CEP83: variants seen among roughly 807,000 people sequenced by gnomAD.
CEP83 encodes the protein centrosomal protein of 83 kDa.
In CEP83, 70 loss-of-function variants were observed where a neutral mutation model predicts 101.9. The observed-to-expected ratio is 0.69, with a 90% CI of 0.57 to 0.84. The LOEUF (loss-of-function observed/expected upper bound fraction) is 0.84, where lower values mean the gene tolerates loss of function less well. Among genes scored for constraint, CEP83 ranks in the 40% least tolerant of loss-of-function variants. The pLI, the probability that CEP83 is intolerant of heterozygous loss-of-function variation, is 0.00. For synonymous variants in CEP83, 264 were observed against 267.9 expected, an observed-to-expected ratio of 0.99 and a Z score of 0.14; for missense variants, 715 against 787.2, an observed-to-expected ratio of 0.91 and a Z score of 1.10.
chr12:94,431,438 C>A (rs1338437078), intron 2 of CEP83, among the ~76,000 whole-genome samples: 1 of 152,004 alleles, frequency 6.6e-6, no homozygotes, highest in Non-Finnish European at 1.5e-5. Flanking sequence ...CAAAAATAGA[C>A]AAGTGGGACT....
chr12:94,344,948 A>T (rs2059861975), intron 11 of CEP83, among the ~76,000 whole-genome samples: 1 of 152,246 alleles, frequency 6.6e-6, no homozygotes, highest in African/African-American at 2.4e-5. Flanking sequence ...TCAAAATGGT[A>T]TGATACTGGT....
At chr12:94,349,240 G>A (rs1444411843) in intron 11 of CEP83, among the ~76,000 whole-genome samples, 1 of 149,254 alleles carries the variant, frequency 6.7e-6, no homozygotes, top group Non-Finnish European at 1.5e-5. Flanking sequence ...AGCCAAGATT[G>A]CGCCACTGCA....
At chr12:94,338,802 C>T (rs577935084) in intron 11 of CEP83, among the ~76,000 whole-genome samples, 13 of 151,966 alleles carry the variant, frequency 8.6e-5, no homozygotes, top group African/African-American at 3.1e-4. Context: ...CAAGTTACAA[C>T]AGAAAATGTA....
chr12:94,420,165 G>A (rs1422059546), intron 2 of CEP83, among the ~76,000 whole-genome samples: 2 of 151,990 alleles, frequency 1.3e-5, no homozygotes, highest in East Asian at 3.9e-4. Flanking sequence ...GGAGAGGAGA[G>A]GAAGCAAAGG....
intron 8 of CEP83, among the ~76,000 whole-genome samples, chr12:94,371,190 C>T (rs903104138): frequency 6.6e-6 from 1 of 151,988 alleles, no homozygotes; most frequent in Non-Finnish European, 1.5e-5. Flanking sequence ...ATATACCATA[C>T]AAAAGGGTTG....
At chr12:94,330,537 CAAA>C (rs1003679524) in intron 14 of CEP83, among the ~76,000 whole-genome samples, 4 of 152,160 alleles carry the variant, frequency 2.6e-5, no homozygotes, top group African/African-American at 9.7e-5. Flanking sequence ...AGTATGCCTG[CAAA>C]GGTAAAACTT....
chr12:94,410,739 CT>C (rs1717948970), intron 4 of CEP83, among the ~76,000 whole-genome samples: 2 of 152,120 alleles, frequency 1.3e-5, no homozygotes, highest in African/African-American at 4.8e-5. Flanking sequence ...ACATTTCCCT[CT>C]TCGATTTACA....
At chr12:94,451,877 G>C (rs923116157) in intron 1 of CEP83, among the ~76,000 whole-genome samples, 1 of 152,090 alleles carries the variant, frequency 6.6e-6, no homozygotes, top group Non-Finnish European at 1.5e-5. Context: ...ATTCATAACA[G>C]CCAAAAACTG....
At chr12:94,316,840 G>C (rs538116962) in intron 14 of CEP83, among the ~76,000 whole-genome samples, 3 of 152,198 alleles carry the variant, frequency 2.0e-5, no homozygotes, top group Non-Finnish European at 2.9e-5. Context: ...TGGGCATTTA[G>C]GTTGATTCCA....
At chr12:94,293,361 A>G in the CEP83 span, among the ~76,000 whole-genome samples, 1 of 152,234 alleles carries the variant, frequency 6.6e-6, no homozygotes, top group East Asian at 1.9e-4. Context: ...CCAACTTTAT[A>G]TACCACAATT....
At chr12:94,457,960 G>A (rs2067809712) in intron 1 of CEP83, among the ~76,000 whole-genome samples, 1 of 152,154 alleles carries the variant, frequency 6.6e-6, no homozygotes, top group Non-Finnish European at 1.5e-5. Context: ...ACTTTGGGAG[G>A]TCAAGGTGGG....
intron 14 of CEP83, among the ~76,000 whole-genome samples, chr12:94,323,140 T>C (rs1001541457): frequency 3.3e-5 from 5 of 152,064 alleles, no homozygotes; most frequent in Non-Finnish European, 5.9e-5. Context: ...GGTGCCATGG[T>C]AGTGGGGCCT....
intron 13 of CEP83, among the ~76,000 whole-genome samples, chr12:94,333,061 A>AAAAAAC (rs2059299553): frequency 6.6e-6 from 1 of 151,186 alleles, no homozygotes; most frequent in South Asian, 2.1e-4. Flanking sequence ...AAAAAAAAAA[A>AAAAAAC]AAAACAAATA....
At chr12:94,344,275 C>T (rs772921944) in intron 11 of CEP83, among the ~76,000 whole-genome samples, 49 of 152,076 alleles carry the variant, frequency 3.2e-4, no homozygotes, top group Non-Finnish European at 2.2e-4. Flanking sequence ...ATAATTAAAA[C>T]ACTATATAAT....
At chr12:94,293,703 T>C in the CEP83 span, among the ~76,000 whole-genome samples, 4 of 152,220 alleles carry the variant, frequency 2.6e-5, no homozygotes, top group Admixed American at 2.6e-4. Flanking sequence ...ACTGCAGCCT[T>C]GGATGTCTGG....
chr12:94,316,724 C>T (rs1324405872), intron 14 of CEP83, among the ~76,000 whole-genome samples: 1 of 152,116 alleles, frequency 6.6e-6, no homozygotes. Flanking sequence ...TGGCCTCTTG[C>T]TCCATCCATG....
chr12:94,441,642 G>C (rs1034773109), intron 1 of CEP83, among the ~76,000 whole-genome samples: 1 of 152,180 alleles, frequency 6.6e-6, no homozygotes, highest in African/African-American at 2.4e-5. Context: ...TAGGCTGGGC[G>C]TTGTGGCTCA....
chr12:94,450,784 C>T (rs1430566629), intron 1 of CEP83, among the ~76,000 whole-genome samples: 3 of 152,190 alleles, frequency 2.0e-5, no homozygotes, highest in Non-Finnish European at 4.4e-5. Flanking sequence ...AGTGATTCTT[C>T]CCATATTGAT....
chr12:94,297,078 T>C, the CEP83 span: 1 of 1,005,910 alleles, frequency 9.9e-7, no homozygotes, highest in Non-Finnish European at 1.5e-6. Context: ...GTCAAAAAGC[T>C]CAAGTAACTT....
Sources: allele counts gnomAD v4.1 joint callset (sites outside exome capture counted in the v4.1 genomes callset), GRCh38; gene constraint gnomAD v4.1.1; transcripts MANE v1.5; gene names NCBI Gene and HGNC (gene_info 2026-07-23, HGNC 2026-07-21).